TPP2: variants seen among roughly 807,000 people sequenced by gnomAD.
TPP2 encodes the protein tripeptidyl peptidase 2.
In TPP2, 34 loss-of-function variants were observed where a neutral mutation model predicts 155.9. That is an observed-to-expected ratio of 0.22 (90% CI 0.17 to 0.29). TPP2 has a LOEUF of 0.29. Among genes scored for constraint, TPP2 ranks in the 10% least tolerant of loss-of-function variants. TPP2 has a pLI of 1.00. For synonymous variants in TPP2, 510 were observed against 529.4 expected, an observed-to-expected ratio of 0.96 and a Z score of 0.50; for missense variants, 1,028 against 1,522.3, an observed-to-expected ratio of 0.68 and a Z score of 5.40.
At chr13:102,647,159 G>C (rs574537798) in intron 20 of TPP2, 48 bp from the exon 21 acceptor site, 1 of 1,512,364 alleles carries the variant, frequency 6.6e-7, no homozygotes, top group East Asian at 2.3e-5. Context: ...ATTTGTATCA[G>C]AAATTATATG....
Position 102,649,193 on chromosome 13 carries a change from A to C in TPP2, c.2873+42A>C, listed in dbSNP as rs201104163. The C allele has an allele frequency of 5.9e-6, 9 of 1,538,394 alleles. No homozygotes were observed. The African/African-American group carries it at 1.2e-4, about 21-fold the overall frequency. The stretch of plus-strand genomic sequence containing the variant: ...CTTATACTTACTGCCCATCGTATAC[A>C]CTGTAGTCCTTTTAATGTCAGTTTA... On this transcript the variant is annotated intron_variant, in intron 22 of 29. Transcript: ENST00000376052.
intron 17 of TPP2, 63 bp from the exon 18 acceptor site, chr13:102,644,494 T>C: frequency 7.2e-7 from 1 of 1,394,358 alleles, no homozygotes; most frequent in Non-Finnish European, 9.8e-7. Flanking sequence ...ACAGCTAGTA[T>C]TTATATTCTG....
At chr13:102,635,982 T>G (rs1882354572) in intron 12 of TPP2, among the ~76,000 whole-genome samples, 1 of 152,170 alleles carries the variant, frequency 6.6e-6, no homozygotes, top group South Asian at 2.1e-4. Context: ...GGCATAGGGA[T>G]TAGTTCCTAA....
Position 102,649,087 on chromosome 13 carries a change from A to C in TPP2, c.2809A>C (p.Ser937Arg). The C allele has an allele frequency of 6.2e-7, 1 of 1,613,376 alleles. No individual in the cohort carries two copies. Among genetic ancestry groups the C allele is most frequent in the South Asian group, 1.1e-5 (1 of 90,820 alleles). Reference protein sequence around the residue: ...SFALLGKKKSSNLTLPPKYNQ... With the variant: ...SFALLGKKKSRNLTLPPKYNQ... ...TGCACTTCTAGGGAAGAAGAAATCA[A>C]GCAATTTGACATTACCACCCAAATA... Residue 937 changes from serine to arginine, a missense_variant, in exon 22 of 30, where the codon AGC becomes CGC. By Grantham distance (110) the Ser-to-Arg change is moderately radical. Around this residue, in one of 7 missense-constraint regions of TPP2, gnomAD observed 179 missense variants for 274.7 expected, o/e 0.65. Coordinates refer to ENST00000376052, the MANE Select transcript of TPP2 (RefSeq NM_001330588.2).
chr13:102,669,526 G>A (rs770803348), intron 27 of TPP2, among the ~76,000 whole-genome samples: 10 of 152,136 alleles, frequency 6.6e-5, no homozygotes, highest in Non-Finnish European at 1.2e-4. Context: ...TGGTATCAAC[G>A]GATGCATGTA....
At chr13:102,636,117 A>G (rs2139505761) in intron 12 of TPP2, 107 bp from the exon 13 acceptor site, 2 of 1,135,072 alleles carry the variant, frequency 1.8e-6, no homozygotes, top group Non-Finnish European at 2.5e-6. Context: ...GTGAATATAG[A>G]CACTAACTTT....
At chr13:102,660,749 A>G (rs534971439) in intron 25 of TPP2, among the ~76,000 whole-genome samples, 2 of 152,354 alleles carry the variant, frequency 1.3e-5, no homozygotes, top group South Asian at 4.1e-4. Context: ...AACAGTAAAC[A>G]AGACAGTGTT....
At chr13:102,655,641 A>G (rs57268278) in intron 24 of TPP2, among the ~76,000 whole-genome samples, 13,437 of 152,222 alleles carry the variant, frequency 0.088, 819 homozygotes, top group African/African-American at 0.17. Flanking sequence ...GCTGTCTTCA[A>G]AGCAAAACTT....
In TPP2 at chr13:102,602,858, G is replaced by A. The variant is rs148929772; in HGVS notation, c.166-1935G>A. On this transcript the variant is annotated intron_variant, in intron 1 of 29. Coordinates refer to ENST00000376052, the MANE Select transcript of TPP2 (RefSeq NM_001330588.2). ...CTTCCACTTTACTGACAGTTTCTAC[G>A]GTTTTTATGTTTCTGTTTCTTTCTT... Among the ~76,000 whole-genome samples, 410 of 152,120 alleles carry A rather than the reference G, an allele frequency of 2.7e-3. 2 individuals carry two copies. Among genetic ancestry groups the A allele is most frequent in the Middle Eastern group, 0.02 (6 of 294 alleles).
intron 5 of TPP2, among the ~76,000 whole-genome samples, chr13:102,621,659 G>A (rs530330638): frequency 6.6e-6 from 1 of 152,288 alleles, no homozygotes; most frequent in East Asian, 1.9e-4. Flanking sequence ...GTTTTCAGCA[G>A]GAGTCAAATG....
chr13:102,627,749 T>A, intron 7 of TPP2, 99 bp from the exon 8 acceptor site: 1 of 814,934 alleles, frequency 1.2e-6, no homozygotes, highest in South Asian at 1.7e-5. Flanking sequence ...AGAATATGAT[T>A]GGCTAAGAAA....
rs1354485833 is a variant in TPP2, at chr13:102,674,081, A to C, written c.3372-202A>C. Among the ~76,000 whole-genome samples the C allele has an allele frequency of 2.0e-5, 3 of 152,180 alleles. No homozygotes were observed. In the East Asian group the frequency reaches 5.8e-4, roughly 29 times the overall value. ...GCAGCTACCCTAACTCATTTAATCT[A>C]TATGTGTAATATAGTAGCTCATTTG... On this transcript the variant is annotated intron_variant, in intron 27 of 29. Coordinates refer to ENST00000376052, the MANE Select transcript of TPP2 (RefSeq NM_001330588.2).
intron 21 of TPP2, among the ~76,000 whole-genome samples, chr13:102,647,863 A>T (rs751707940): frequency 6.6e-6 from 1 of 152,368 alleles, no homozygotes; most frequent in Admixed American, 6.5e-5. Flanking sequence ...GAAAAATCAC[A>T]TAATTTATAG....
chr13:102,651,474 A>C, intron 24 of TPP2, 77 bp downstream of exon 24: 1 of 1,462,980 alleles, frequency 6.8e-7, no homozygotes, highest in South Asian at 1.3e-5. Flanking sequence ...CACTATTATA[A>C]ACCTTTTTTT....
rs547896306 is a variant in TPP2, at chr13:102,650,490, C to A, written c.2953-869C>A. On this transcript the variant is annotated intron_variant, in intron 23 of 29. Coordinates refer to ENST00000376052, the MANE Select transcript of TPP2 (RefSeq NM_001330588.2). ...TTTCAGTTTATACTGTTTATACATA[C>A]GTACTTTAGTATAATTTGAAGTAAA... Among the ~76,000 whole-genome samples the A allele has an allele frequency of 3.0e-4, 46 of 152,250 alleles. 2 individuals carry two copies. The South Asian group carries it at 9.3e-3, about 31-fold the overall frequency.
Position 102,618,865 on chromosome 13 carries a change from A to G in TPP2, c.620+19A>G, listed in dbSNP as rs373025518. 1.0e-4 allele frequency: 159 copies of G among 1,585,010 alleles called. No homozygotes were observed. Among genetic ancestry groups the G allele is most frequent in the Non-Finnish European group, 1.3e-4 (148 of 1,168,718 alleles). On this transcript the variant is annotated intron_variant, in intron 5 of 29. Coordinates refer to ENST00000376052, the MANE Select transcript of TPP2 (RefSeq NM_001330588.2). ...TCTGGAGGTAAACTTCGTGTATTTT[A>G]TACATCTTCATTTACAAATGTTTTC...
At position 102,619,452 on chromosome 13, in the gene TPP2, C is replaced by A. The variant is rs866892458; in HGVS notation, c.620+606C>A. Among the ~76,000 whole-genome samples, 528 of 146,676 alleles carry A rather than the reference C, an allele frequency of 3.6e-3. 1 individual carries two copies. The highest frequency in any genetic ancestry group is 0.012 in the African/African-American group (484 of 39,586). ...AGGATTTCTGCAAAAAAAAAACAAA[C>A]AAACAGGGACTATTTCTTAAACTTG... On this transcript the variant is annotated intron_variant, in intron 5 of 29. Transcript: ENST00000376052.
chr13:102,675,628 A>G (rs1182462599), intron 28 of TPP2, among the ~76,000 whole-genome samples: 2 of 152,184 alleles, frequency 1.3e-5, no homozygotes, highest in Admixed American at 6.5e-5. Context: ...ATTGACAAAC[A>G]CTTGATGAAC....
At chr13:102,676,218 C>A in intron 28 of TPP2, 78 bp from the exon 29 acceptor site, 1 of 1,312,832 alleles carries the variant, frequency 7.6e-7, no homozygotes, top group Non-Finnish European at 1.0e-6. Context: ...CTGTTAAAGC[C>A]TTAATTTTAT....
Sources: allele counts gnomAD v4.1 joint callset (sites outside exome capture counted in the v4.1 genomes callset), GRCh38; gene constraint gnomAD v4.1.1; regional missense constraint gnomAD v4.1.1; transcripts MANE v1.5; gene names NCBI Gene and HGNC (gene_info 2026-07-23, HGNC 2026-07-21).